The following IL1RAPL1 variants were observed in gnomAD, a reference collection of about 807,000 sequenced individuals.
The protein encoded by IL1RAPL1 is interleukin 1 receptor accessory protein like 1.
IL1RAPL1 carries 3 observed loss-of-function variants against 48.4 expected under a neutral mutation model. The ratio of observed to expected loss-of-function variants is 0.06; its 90% CI spans 0.03 to 0.16. IL1RAPL1 has a LOEUF of 0.16. Among genes scored for constraint, IL1RAPL1 ranks in the 10% least tolerant of loss-of-function variants. IL1RAPL1 has a pLI of 1.00. For synonymous variants in IL1RAPL1, 185 were observed against 187.7 expected (o/e 0.99, Z 0.12); for missense variants, 349 against 530.6 (o/e 0.66, Z 3.36).
chrX:29,744,003 A>G (rs779510360), intron 6 of IL1RAPL1, among the ~76,000 whole-genome samples: 68 of 111,803 alleles, frequency 6.1e-4, no homozygotes, highest in Middle Eastern at 9.2e-3. Context: ...ACAACATTGC[A>G]AGCACAGACG....
chrX:29,869,901 TTAGTATGGCTTC>T (rs1388116836), intron 6 of IL1RAPL1, among the ~76,000 whole-genome samples: 19 of 110,180 alleles, frequency 1.7e-4, no homozygotes, highest in African/African-American at 5.9e-4. Context: ...TCACAGTACA[TTAGTATGGCTTC>T]TTTGGCTTGA....
intron 2 of IL1RAPL1, among the ~76,000 whole-genome samples, chrX:29,159,262 A>G (rs1362460686): frequency 9.0e-6 from 1 of 111,328 alleles, no homozygotes; most frequent in African/African-American, 3.3e-5. Flanking sequence ...CACTAAAATT[A>G]TAATTGGAGT....
chrX:29,075,374 A>G (rs1020381526), intron 2 of IL1RAPL1, among the ~76,000 whole-genome samples: 1 of 111,661 alleles, frequency 9.0e-6, no homozygotes, highest in Non-Finnish European at 1.9e-5. Context: ...CACAGCTAGG[A>G]TGGAGAAAGC....
chrX:28,750,055 C>G (rs997947702), intron 1 of IL1RAPL1, among the ~76,000 whole-genome samples: 1 of 108,911 alleles, frequency 9.2e-6, no homozygotes, highest in Non-Finnish European at 1.9e-5. Context: ...CAGGTTCAAG[C>G]AATTCTCCTG....
At chrX:29,947,252 G>A (rs1038639207) in intron 9 of IL1RAPL1, among the ~76,000 whole-genome samples, 1 of 111,691 alleles carries the variant, frequency 9.0e-6, no homozygotes, top group Non-Finnish European at 1.9e-5. Context: ...GTCTCTGAAT[G>A]GAGTGTCCCT....
chrX:29,330,037 TGGTAATA>T (rs1281379927), intron 3 of IL1RAPL1, among the ~76,000 whole-genome samples: 1 of 110,708 alleles, frequency 9.0e-6, no homozygotes, highest in African/African-American at 3.3e-5. Flanking sequence ...TGGGAGTGAC[TGGTAATA>T]GGTAAGAGGT....
chrX:28,935,929 C>T (rs1027723936), intron 2 of IL1RAPL1, among the ~76,000 whole-genome samples: 1 of 111,020 alleles, frequency 9.0e-6, no homozygotes, highest in African/African-American at 3.3e-5. Flanking sequence ...GACATAGAAA[C>T]GGGGTGTAAA....
Position 29,602,167 on chromosome X carries a change from T to G in IL1RAPL1, c.704-66263T>G, listed in dbSNP as rs374950621. ...CCCTGCTAATTTTGTATTTTTAGTATAGACGGGGTTTCACCATGTTGATCA... is the reference window on the plus strand; with the variant it reads ...CCCTGCTAATTTTGTATTTTTAGTAGAGACGGGGTTTCACCATGTTGATCA... On this transcript the variant is annotated intron_variant, in intron 5 of 10. Transcript: ENST00000378993. Among the ~76,000 whole-genome samples the G allele has an allele frequency of 5.9e-3, 614 of 103,843 alleles. 16 individuals are homozygous for G. The highest frequency in any genetic ancestry group is 0.024 in the African/African-American group (572 of 23,794). 90.2% of individuals were successfully genotyped at this position (103,843 alleles called of 115,157 possible).
chrX:29,163,478 C>T (rs993525050), intron 2 of IL1RAPL1, among the ~76,000 whole-genome samples: 14 of 111,519 alleles, frequency 1.3e-4, no homozygotes, highest in Non-Finnish European at 2.6e-4. Context: ...GAAAGGTGTT[C>T]CAGCTCAGAG....
At chrX:29,954,814 TAGAA>T in intron 10 of IL1RAPL1, 122 bp downstream of exon 10, 6 of 644,505 alleles carry the variant, frequency 9.3e-6, no homozygotes, top group Non-Finnish European at 1.5e-5. Context: ...TTAGTTTCCC[TAGAA>T]AGAAACGTCT....
intron 2 of IL1RAPL1, among the ~76,000 whole-genome samples, chrX:28,810,688 G>A (rs2147275804): frequency 9.1e-6 from 1 of 109,945 alleles, no homozygotes; most frequent in Non-Finnish European, 1.9e-5. Flanking sequence ...GAACATGTAG[G>A]CCAAATGGAA....
chrX:29,760,031 A>C (rs1368254454), intron 6 of IL1RAPL1, among the ~76,000 whole-genome samples: 1 of 111,912 alleles, frequency 8.9e-6, no homozygotes, highest in African/African-American at 3.2e-5. Context: ...CCCTTAGTAC[A>C]TGGGGTGAGT....
chrX:28,728,143 C>T lies in IL1RAPL1; in HGVS notation c.-24-61177C>T, dbSNP rs184946485. On this transcript the variant is annotated intron_variant, in intron 1 of 10. Transcript: ENST00000378993. ...TATATGAGATTATGATGATGGATTT[C>T]TTATTATATCAGAATTATATTTTCA... 1.7e-4 allele frequency among the ~76,000 whole-genome samples: 19 copies of T among 111,341 alleles called. No homozygotes were observed. In the East Asian group the frequency reaches 4.8e-3, roughly 28 times the overall value.
intron 6 of IL1RAPL1, among the ~76,000 whole-genome samples, chrX:29,892,056 A>G (rs1932284246): frequency 8.9e-6 from 1 of 112,278 alleles, no homozygotes; most frequent in African/African-American, 3.2e-5. Flanking sequence ...AAAGTTAAAT[A>G]TAACATTGTG....
intron 2 of IL1RAPL1, among the ~76,000 whole-genome samples, chrX:29,167,007 A>G (rs1316882614): frequency 1.8e-5 from 2 of 112,172 alleles, no homozygotes; most frequent in Non-Finnish European, 3.8e-5. Context: ...AACACCGTGC[A>G]GTCCTGCTTC....
chrX:29,147,833 A>G (rs1929380716), intron 2 of IL1RAPL1, among the ~76,000 whole-genome samples: 1 of 112,265 alleles, frequency 8.9e-6, no homozygotes, highest in South Asian at 3.7e-4. Context: ...GCCTTGTCAG[A>G]AATCTCTCAA....
chrX:29,428,840 C>T (rs1175387723), intron 5 of IL1RAPL1, among the ~76,000 whole-genome samples: 3 of 111,550 alleles, frequency 2.7e-5, no homozygotes, highest in Non-Finnish European at 5.6e-5. Flanking sequence ...ACCAAACCGT[C>T]AATCAGTAGC....
In IL1RAPL1 at chrX:29,757,101, G is replaced by A. The variant is rs1287837115; in HGVS notation, c.778+88597G>A. Among the ~76,000 whole-genome samples, 3 of 112,327 alleles carry A rather than the reference G, an allele frequency of 2.7e-5. No homozygotes were observed. The South Asian group carries it at 1.1e-3, about 41-fold the overall frequency. On this transcript the variant is annotated intron_variant, in intron 6 of 10. Coordinates refer to ENST00000378993, the MANE Select transcript of IL1RAPL1 (RefSeq NM_014271.4). ...GGACTCCTAACCTCCAGAACTATGA[G>A]CCAATACATGTCTGTTGTTTTAAGC...
chrX:29,636,945 C>T (rs906005241), intron 5 of IL1RAPL1, among the ~76,000 whole-genome samples: 1 of 108,261 alleles, frequency 9.2e-6, no homozygotes, highest in East Asian at 2.9e-4. Context: ...TACAGCTACT[C>T]GGGAGGCTGA....
Sources: allele counts gnomAD v4.1 joint callset (sites outside exome capture counted in the v4.1 genomes callset), GRCh38; gene constraint gnomAD v4.1.1; transcripts MANE v1.5; gene names NCBI Gene and HGNC (gene_info 2026-07-23, HGNC 2026-07-21).